TAFAZZIN: variants seen among roughly 807,000 people sequenced by gnomAD.
TAFAZZIN encodes the protein tafazzin, phospholipid-lysophospholipid transacylase.
A neutral mutation model predicts 27.3 loss-of-function variants in TAFAZZIN; 6 were observed. The ratio of observed to expected loss-of-function variants is 0.22; its 90% CI spans 0.12 to 0.43. The LOEUF (loss-of-function observed/expected upper bound fraction) is 0.43. TAFAZZIN is among the 20% of genes least tolerant of loss of function. TAFAZZIN has a pLI of 1.00. For synonymous variants in TAFAZZIN, 79 were observed against 96.2 expected (o/e 0.82, Z 1.04); for missense variants, 127 against 244.5 (o/e 0.52, Z 3.21).
chrX:154,412,503 A>C, intron 2 of TAFAZZIN: 1 of 343,540 alleles, frequency 2.9e-6, no homozygotes, highest in Non-Finnish European at 5.1e-6. Flanking sequence ...TCTCTAAACC[A>C]TCCAGGGCCC....
rs782240231 is a variant in TAFAZZIN, at chrX:154,420,971, G to A, written c.846G>A (p.Glu282=). 1.7e-6 allele frequency: 2 copies of A among 1,210,132 alleles called. No homozygotes were observed. Among genetic ancestry groups the A allele is most frequent in the African/African-American group, 3.5e-5 (2 of 57,268 alleles). ...EEFQHLKTQA[E]QLHNHLQPGR ...TCCAGCATCTGAAGACTCAGGCAGA[G>A]CAGCTCCACAACCACCTCCAGCCTG... Residue 282 remains glutamate (E), a synonymous_variant, in exon 11 of 11, where the codon GAG becomes GAA. Transcript: ENST00000601016.
intron 5 of TAFAZZIN, among the ~76,000 whole-genome samples, chrX:154,414,985 G>A (rs1350785823): frequency 1.0e-5 from 1 of 95,542 alleles, no homozygotes; most frequent in Non-Finnish European, 2.1e-5. Flanking sequence ...GCGAAACTCC[G>A]TCTGGAAAAA....
At position 154,414,528 on chromosome X, in the gene TAFAZZIN, T is replaced by C. The variant is rs781837809; in HGVS notation, c.460+338T>C. On this transcript the variant is annotated intron_variant, in intron 5 of 10. Coordinates refer to ENST00000601016, the MANE Select transcript of TAFAZZIN (RefSeq NM_000116.5). ...TAACACGGTGAAACCCCGTCTCTAC[T>C]AAAAATACAAAAAATTAGCTGGGCA... 4.6e-5 allele frequency among the ~76,000 whole-genome samples: 5 copies of C among 107,599 alleles called. No individual in the cohort carries two copies. In the South Asian group the frequency reaches 2.0e-3, roughly 43 times the overall value. The allele number at this position is 107,599 out of a possible 115,157, so 93.4% of individuals were successfully genotyped here. A position where few individuals can be genotyped will look rare whatever the true frequency, so the allele number is the denominator to read the frequency against.
chrX:154,418,201 C>T (rs910239849), intron 5 of TAFAZZIN, among the ~76,000 whole-genome samples: 1 of 111,833 alleles, frequency 8.9e-6, no homozygotes, highest in African/African-American at 3.3e-5. Flanking sequence ...ACACATGCTG[C>T]GTCCCAAGTA....
intron 5 of TAFAZZIN, among the ~76,000 whole-genome samples, chrX:154,416,486 A>T (rs1239971847): frequency 1.8e-5 from 2 of 111,371 alleles, no homozygotes; most frequent in Non-Finnish European, 3.8e-5. Context: ...TGGCTGCAGC[A>T]GGGCTAGGTG....
rs199809512 is a variant in TAFAZZIN at position 154,413,180 on chromosome X, G to A, written c.239-27G>A. 1.2e-4 allele frequency: 150 copies of A among 1,210,369 alleles called. No individual in the cohort carries two copies. The African/African-American group carries it at 2.3e-3, about 19-fold the overall frequency. On this transcript the variant is annotated intron_variant, in intron 2 of 10. Coordinates refer to ENST00000601016, the MANE Select transcript of TAFAZZIN (RefSeq NM_000116.5). ...CACTCCCTGGGGATATGGGAAGTTG[G>A]GGCATGAAGCCTTTCCTGTCCTCTA...
At chrX:154,417,010 C>A (rs1185953197) in intron 5 of TAFAZZIN, among the ~76,000 whole-genome samples, 1 of 111,036 alleles carries the variant, frequency 9.0e-6, no homozygotes, top group Non-Finnish European at 1.9e-5. Context: ...TGGCAGGCAC[C>A]TGTAGTCCCA....
intron 3 of TAFAZZIN, 61 bp from the exon 4 acceptor site, chrX:154,413,421 G>T: frequency 8.3e-7 from 1 of 1,208,981 alleles, no homozygotes; most frequent in Non-Finnish European, 1.1e-6. Context: ...TGCTGATGCT[G>T]GGGGCAGGGT....
Position 154,414,786 on chromosome X carries a change from C to T in TAFAZZIN, c.460+596C>T, listed in dbSNP as rs782403029. Among the ~76,000 whole-genome samples the T allele has an allele frequency of 1.7e-4, 19 of 108,795 alleles. 1 individual carries two copies. The highest frequency in any genetic ancestry group is 5.8e-4 in the East Asian group (2 of 3,454). 94.5% of individuals were successfully genotyped at this position (108,795 alleles called of 115,157 possible). A position where few individuals can be genotyped will look rare whatever the true frequency, so the allele number is the denominator to read the frequency against. Reference sequence around the variant, plus strand: ...CGGGCGGATCACGAGGTCAGGAATTCGAGACCAGCCTAACCAACATGGTGA... The same window carrying T: ...CGGGCGGATCACGAGGTCAGGAATTTGAGACCAGCCTAACCAACATGGTGA... On this transcript the variant is annotated intron_variant, in intron 5 of 10. Transcript: ENST00000601016.
At position 154,411,763 on chromosome X, in the gene TAFAZZIN, G is replaced by A; in HGVS notation, c.-81G>A. On this transcript the variant is annotated 5_prime_UTR_variant, in exon 1 of 11. Coordinates refer to ENST00000601016, the MANE Select transcript of TAFAZZIN (RefSeq NM_000116.5). ...CGGGCCAGTCAGGGGCCAGTGTCTC[G>A]AGCGGTCGAGGTCGCAGACCTAGAG... is the stretch of plus-strand genomic sequence containing the variant. The A allele has an allele frequency of 1.1e-6, 1 of 938,390 alleles. No individual in the cohort carries two copies. Among genetic ancestry groups the A allele is most frequent in the Non-Finnish European group, 1.5e-6 (1 of 677,688 alleles). The allele number at this position is 938,390 out of a possible 1,213,427, so 77.3% of individuals were successfully genotyped here.
At chrX:154,413,843 G>A (rs1557191926) in intron 4 of TAFAZZIN, among the ~76,000 whole-genome samples, 2 of 111,374 alleles carry the variant, frequency 1.8e-5, no homozygotes, top group Non-Finnish European at 3.8e-5. Flanking sequence ...CTTCTCTCAG[G>A]GATGTCACTA....
chrX:154,417,373 T>C (rs1363757738), intron 5 of TAFAZZIN, among the ~76,000 whole-genome samples: 2 of 110,879 alleles, frequency 1.8e-5, no homozygotes, highest in Non-Finnish European at 3.8e-5. Context: ...TTCCATGCAG[T>C]GACAGCTGCC....
chrX:154,413,099 G>C, intron 2 of TAFAZZIN, 108 bp from the exon 3 acceptor site: 1 of 1,091,707 alleles, frequency 9.2e-7, no homozygotes, highest in South Asian at 1.9e-5. Context: ...ACTTTGGGCT[G>C]TAGGGAAATG....
intron 9 of TAFAZZIN, 61 bp downstream of exon 9, chrX:154,420,325 A>C: frequency 8.5e-7 from 1 of 1,170,302 alleles, no homozygotes; most frequent in Non-Finnish European, 1.2e-6. Flanking sequence ...CGTGTCTCCC[A>C]CTCAGCACTA....
In TAFAZZIN at chrX:154,420,222, C is replaced by T. The variant is rs140751478; in HGVS notation, c.657C>T (p.Asp219=). 1.9e-5 allele frequency: 23 copies of T among 1,209,808 alleles called. No individual in the cohort carries two copies. In the African/African-American group the frequency reaches 3.0e-4, roughly 16 times the overall value. The change falls in exon 9 of 11, where the codon GAC becomes GAT. Residue 219 remains aspartate, a synonymous_variant. Coordinates refer to ENST00000601016, the MANE Select transcript of TAFAZZIN (RefSeq NM_000116.5). ...ILPLWHVGMN[D]VLPNSPPYFP... ...TCCACTGTGCTGCAGGAATGAATGACGTCCTTCCTAACAGTCCGCCCTACT... is the reference window on the plus strand; with the variant it reads ...TCCACTGTGCTGCAGGAATGAATGATGTCCTTCCTAACAGTCCGCCCTACT...
intron 5 of TAFAZZIN, among the ~76,000 whole-genome samples, chrX:154,417,736 C>T (rs2068528670): frequency 9.0e-6 from 1 of 111,702 alleles, no homozygotes; most frequent in African/African-American, 3.3e-5. Flanking sequence ...CTACTTCTGT[C>T]TCTGTAAAGG....
intron 5 of TAFAZZIN, chrX:154,418,928 A>C (rs2148209136): frequency 8.6e-6 from 1 of 115,942 alleles, no homozygotes; most frequent in East Asian, 2.7e-4. Flanking sequence ...TGTTGCCCAG[A>C]ATCTGGGGCC....
chrX:154,419,854 G>A (rs1407579652), intron 7 of TAFAZZIN, 108 bp downstream of exon 7: 12 of 1,119,424 alleles, frequency 1.1e-5, no homozygotes, highest in East Asian at 6.0e-5. Context: ...GTAGATGGGC[G>A]TGTTTGTAGC....
At chrX:154,413,448 G>A (rs1557191722) in intron 3 of TAFAZZIN, 34 bp from the exon 4 acceptor site, 1 of 1,209,071 alleles carries the variant, frequency 8.3e-7, no homozygotes, top group Admixed American at 2.2e-5. Flanking sequence ...GCGGGGTGCA[G>A]GGGGCAGGAC....
Sources: allele counts gnomAD v4.1 joint callset (sites outside exome capture counted in the v4.1 genomes callset), GRCh38; gene constraint gnomAD v4.1.1; transcripts MANE v1.5; gene names NCBI Gene and HGNC (gene_info 2026-07-23, HGNC 2026-07-21).